The following NXN variants were observed in gnomAD, a reference collection of about 807,000 sequenced individuals.
NXN encodes nucleoredoxin.
Under a neutral mutation model 48.6 loss-of-function variants are expected in NXN, and 16 were observed. The observed-to-expected ratio is 0.33, with a 90% confidence interval of 0.22 to 0.50. The LOEUF is 0.50. Among genes scored for constraint, NXN ranks in the 20% least tolerant of loss-of-function variants. NXN has a pLI of 0.98. For missense variants in NXN, 492 were observed against 605.5 expected (o/e 0.81, Z 1.97); for synonymous variants, 281 against 269.6 (o/e 1.04, Z -0.41).
In NXN at chr17:849,142, G is replaced by A. The variant is rs550401516; in HGVS notation, c.361-23064C>T. Among the ~76,000 whole-genome samples the A allele has an allele frequency of 6.0e-5, 9 of 150,914 alleles. No individual in the cohort carries two copies. The highest frequency in any genetic ancestry group is 1.0e-4 in the Non-Finnish European group (7 of 67,780). ...ACCCCACCCACACCCTTTGTTCCACGGCAGGCAATCATGGTGGGTGTGCAC... is the reference window on the plus strand; with the variant it reads ...ACCCCACCCACACCCTTTGTTCCACAGCAGGCAATCATGGTGGGTGTGCAC... On this transcript the variant is annotated intron_variant, in intron 1 of 7. Transcript: ENST00000336868. This position sits in a 1 kb window ranked among gnomAD's most constrained non-coding sequence, Gnocchi z 4.2.
Position 855,911 on chromosome 17 carries a change from T to C in NXN, c.361-29833A>G, listed in dbSNP as rs371526907. Among the ~76,000 whole-genome samples, 12 of 152,150 alleles carry C rather than the reference T, an allele frequency of 7.9e-5. 1 individual carries two copies. Among genetic ancestry groups the C allele is most frequent in the Admixed American group, 5.9e-4 (9 of 15,286 alleles). On this transcript the variant is annotated intron_variant, in intron 1 of 7. Transcript: ENST00000336868. ...GAGATGAAGATAAGAGGGTCCAATC[T>C]AGGCCGGGTGCCGTGGCTCGCACCT...
At chr17:867,041 C>G in intron 1 of NXN, among the ~76,000 whole-genome samples, 1 of 137,600 alleles carries the variant, frequency 7.3e-6, no homozygotes, top group African/African-American at 2.7e-5. Flanking sequence ...GGGGAATCCT[C>G]CAGCTTGGTC....
intron 5 of NXN, among the ~76,000 whole-genome samples, chr17:811,513 G>T (rs970629111): frequency 3.9e-5 from 6 of 152,200 alleles, no homozygotes; most frequent in Admixed American, 1.3e-4. Context: ...CGGGGTTGGG[G>T]GGGGGGCAGC....
At chr17:924,307 G>A (rs1029944344) in intron 1 of NXN, among the ~76,000 whole-genome samples, 3 of 152,158 alleles carry the variant, frequency 2.0e-5, no homozygotes, top group Non-Finnish European at 1.5e-5. Context: ...CGCGATCTCG[G>A]CTCACTGCAA....
At chr17:805,005 G>C in intron 6 of NXN, 63 bp downstream of exon 6, 2 of 1,503,714 alleles carry the variant, frequency 1.3e-6, no homozygotes, top group East Asian at 2.5e-5. Context: ...CTCCTCCCAA[G>C]TGAGGCCCCT....
At chr17:970,380 G>A (rs758447173) in intron 1 of NXN, among the ~76,000 whole-genome samples, 8 of 151,852 alleles carry the variant, frequency 5.3e-5, no homozygotes, top group Non-Finnish European at 1.0e-4. Context: ...CAGGCTTTCC[G>A]TAGGATGAAG....
chr17:885,629 T>C (rs1421952358), intron 1 of NXN, among the ~76,000 whole-genome samples: 1 of 149,942 alleles, frequency 6.7e-6, no homozygotes, highest in Non-Finnish European at 1.5e-5. Flanking sequence ...CATGCCCCTC[T>C]CTGAAGAGAG....
At chr17:928,801 G>A (rs996980774) in intron 1 of NXN, among the ~76,000 whole-genome samples, 9 of 152,108 alleles carry the variant, frequency 5.9e-5, no homozygotes, top group Admixed American at 2.6e-4. Context: ...ATGCCACTGC[G>A]CTCCAGCCTG....
At chr17:960,096 A>G (rs1021698153) in intron 1 of NXN, among the ~76,000 whole-genome samples, 1 of 152,178 alleles carries the variant, frequency 6.6e-6, no homozygotes, top group African/African-American at 2.4e-5. Flanking sequence ...CATCTTTAAA[A>G]AAAAAATGGA....
At chr17:808,923 C>T (rs512682) in intron 5 of NXN, among the ~76,000 whole-genome samples, 59,546 of 151,818 alleles carry the variant, frequency 0.39, 11,787 homozygotes, top group East Asian at 0.53. Context: ...GTGATCTGCC[C>T]GCCTCGGCCT....
intron 5 of NXN, chr17:819,186 A>G: frequency 4.2e-6 from 2 of 480,404 alleles, no homozygotes; most frequent in Non-Finnish European, 7.7e-6. Context: ...AGCTCAGGTG[A>G]TCCACCTGCC....
intron 1 of NXN, among the ~76,000 whole-genome samples, chr17:913,875 G>A (rs749115359): frequency 2.6e-5 from 4 of 152,106 alleles, no homozygotes; most frequent in Non-Finnish European, 4.4e-5. Context: ...TCCCAAACTC[G>A]CGGAAGATTT....
Position 972,838 on chromosome 17 carries a change from T to C in NXN, c.360+6481A>G, listed in dbSNP as rs752177599. On this transcript the variant is annotated intron_variant, in intron 1 of 7. Transcript: ENST00000336868. ...CGAGGTCAGGAGATCGAGACCATCA[T>C]GGCTAACACGGTGAAACCCCGTCTC... 7.2e-4 allele frequency among the ~76,000 whole-genome samples: 109 copies of C among 152,248 alleles called. 1 individual carries two copies. Among genetic ancestry groups the C allele is most frequent in the Non-Finnish European group, 2.5e-4 (17 of 68,008 alleles).
At chr17:943,318 G>C (rs2069001922) in intron 1 of NXN, among the ~76,000 whole-genome samples, 2 of 152,238 alleles carry the variant, frequency 1.3e-5, no homozygotes, top group South Asian at 4.2e-4. Context: ...AGGACCTCCA[G>C]AGAAAGGTCA....
chr17:934,821 C>A (rs2068891647), intron 1 of NXN, among the ~76,000 whole-genome samples: 1 of 151,802 alleles, frequency 6.6e-6, no homozygotes, highest in African/African-American at 2.4e-5. Context: ...GTGCAGTGAG[C>A]CGAGATCGTG....
intron 1 of NXN, among the ~76,000 whole-genome samples, chr17:862,776 A>G (rs1597672701): frequency 6.6e-6 from 1 of 152,218 alleles, no homozygotes; most frequent in South Asian, 2.1e-4. Flanking sequence ...GGTGAGATGC[A>G]ACAGGAGCTC....
intron 1 of NXN, among the ~76,000 whole-genome samples, chr17:865,116 T>C (rs1375753896): frequency 6.6e-6 from 1 of 152,228 alleles, no homozygotes; most frequent in Non-Finnish European, 1.5e-5. Flanking sequence ...TCTCGCTCGA[T>C]ATTGTCCATC....
At chr17:835,112 T>G (rs1326824612) in intron 1 of NXN, among the ~76,000 whole-genome samples, 22 of 150,414 alleles carry the variant, frequency 1.5e-4, no homozygotes, top group East Asian at 4.1e-4. Context: ...ATCGAGACCA[T>G]CCTGGCTAAC....
rs188648307 is a variant in NXN, at chr17:854,464, C to T, written c.361-28386G>A. Among the ~76,000 whole-genome samples, 762 of 149,128 alleles carry T rather than the reference C, an allele frequency of 5.1e-3. 4 individuals carry two copies. Among genetic ancestry groups the T allele is most frequent in the Admixed American group, 9.9e-3 (147 of 14,884 alleles). The stretch of plus-strand genomic sequence containing the variant: ...GAGACTGAGACCATCCTGGCTAACA[C>T]GGTGAAACCCTGTCTCTACTAAAAA... On this transcript the variant is annotated intron_variant, in intron 1 of 7. Coordinates refer to ENST00000336868, the MANE Select transcript of NXN (RefSeq NM_022463.5).
Sources: gnomAD v4.1 joint callset for allele counts (sites outside exome capture counted in the v4.1 genomes callset) on GRCh38, gnomAD v4.1.1 for gene constraint, Gnocchi (gnomAD v3.1) non-coding constraint, MANE v1.5 for transcripts, NCBI Gene and HGNC (gene_info 2026-07-23, HGNC 2026-07-21) for gene names.